The following DCLRE1B variants were observed in gnomAD, a reference collection of about 807,000 sequenced individuals.
The protein encoded by DCLRE1B is DNA cross-link repair 1B.
In DCLRE1B, 6 loss-of-function variants were observed where a neutral mutation model predicts 19.8. The ratio of observed to expected loss-of-function variants is 0.30; its 90% CI spans 0.17 to 0.60. The LOEUF (loss-of-function observed/expected upper bound fraction) is 0.60, where lower values mean the gene tolerates loss of function less well. Among genes scored for constraint, DCLRE1B ranks in the 20% least tolerant of loss-of-function variants. DCLRE1B has a pLI of 0.87. For missense variants in DCLRE1B, 622 were observed against 654.2 expected (o/e 0.95, Z 0.54); for synonymous variants, 258 against 255.7 (o/e 1.01, Z -0.09).
rs774397708 is a variant in DCLRE1B, at chr1:113,905,722, C to T, written c.136C>T (p.Arg46Trp). Residue 46 changes from arginine to tryptophan, a missense_variant, in exon 1 of 4, where the codon CGG becomes TGG. Physicochemically the swap from Arg to Trp is moderately radical, Grantham distance 101 (BLOSUM62 -3). This residue lies in a region of DCLRE1B where 237 missense variants were observed against 223.8 expected (regional missense o/e 1.06). Transcript: ENST00000650450. ...CGTGGGCCTGTCTAGCACCTGGGCC[C>T]GGCCCCTCTACTGCTCCCCAATTAC... The part of the protein sequence containing the change: ...HTVGLSSTWA[R>W]PLYCSPITAH... 7.4e-6 allele frequency: 12 copies of T among 1,614,172 alleles called. No individual in the cohort carries two copies. The highest frequency in any genetic ancestry group is 9.3e-6 in the Non-Finnish European group (11 of 1,180,030).
chr1:113,908,267 G>A, intron 3 of DCLRE1B, 76 bp downstream of exon 3: 2 of 1,542,886 alleles, frequency 1.3e-6, no homozygotes, highest in Non-Finnish European at 1.8e-6. Context: ...ACATCTTTCA[G>A]ATCTTTGTGC....
rs371162618 is a variant in DCLRE1B at position 113,908,208 on chromosome 1, C to G, written c.538+17C>G. Reference sequence around the variant, plus strand: ...TAAAGATTGGTGAGTTGTTTCCTTTCAGTTTCCTGTCACCTGTAGATAGTG... The same window carrying G: ...TAAAGATTGGTGAGTTGTTTCCTTTGAGTTTCCTGTCACCTGTAGATAGTG... On this transcript the variant is annotated intron_variant, in intron 3 of 3. Transcript: ENST00000650450. 3.7e-6 allele frequency: 6 copies of G among 1,609,022 alleles called. No homozygotes were observed. The highest frequency in any genetic ancestry group is 5.1e-6 in the Non-Finnish European group (6 of 1,177,466).
At chr1:113,904,875 T>C (rs1668783419), upstream of DCLRE1B, 1 of 689,858 alleles carries the variant, frequency 1.4e-6, no homozygotes, top group Non-Finnish European at 2.6e-6. Context: ...GCCGGCACGC[T>C]GGCCCTGACA....
rs760179150 is a variant in DCLRE1B, at chr1:113,905,739, C to G, written c.153C>G (p.Ser51=). 2.5e-5 allele frequency: 41 copies of G among 1,613,896 alleles called. No homozygotes were observed. The highest frequency in any genetic ancestry group is 3.4e-5 in the Non-Finnish European group (40 of 1,179,964). Residue 51 remains serine (S), a synonymous_variant, in exon 1 of 4, where the codon TCC becomes TCG. Transcript: ENST00000650450. ...SSTWARPLYC[S]PITAHLLHRH... ...CCTGGGCCCGGCCCCTCTACTGCTC[C>G]CCAATTACAGCCCACCTCTTGCATC...
upstream of DCLRE1B, chr1:113,904,995 G>T (rs1668806000): frequency 2.2e-6 from 1 of 449,542 alleles, no homozygotes; most frequent in Non-Finnish European, 4.1e-6. Flanking sequence ...CTACTTCTAG[G>T]TCCTCCGCCG....
rs755192360 is a variant in DCLRE1B at position 113,907,080 on chromosome 1, G to A, written c.274G>A (p.Val92Ile). 4.3e-6 allele frequency: 7 copies of A among 1,614,004 alleles called. No homozygotes were observed. The highest frequency in any genetic ancestry group is 5.9e-6 in the Non-Finnish European group (7 of 1,180,012). Residue 92 changes from valine (V) to isoleucine (I), a missense_variant, in exon 2 of 4, where the codon GTA becomes ATA. Val to Ile is a conservative substitution (Grantham distance 29, BLOSUM62 3). This residue lies in a region of DCLRE1B where 237 missense variants were observed against 223.8 expected (regional missense o/e 1.06). Transcript: ENST00000650450. ...TGAAATTGGACAAGAGACCATGACC[G>A]TAACCCTCCTCGATGCCAATCACTG... ...LDEIGQETMT[V>I]TLLDANHCPG...
At chr1:113,907,945 A>G in intron 2 of DCLRE1B, 64 bp from the exon 3 acceptor site, 1 of 1,530,664 alleles carries the variant, frequency 6.5e-7, no homozygotes, top group Non-Finnish European at 8.8e-7. Context: ...TGTTGGAGGT[A>G]GGAGAGGCTT....
chr1:113,912,824 T>C lies in DCLRE1B; in HGVS notation c.*633T>C, dbSNP rs1669316737. 6.6e-6 allele frequency: 1 copy of C among 152,376 alleles called. No individual in the cohort carries two copies. Among genetic ancestry groups the C allele is most frequent in the African/African-American group, 2.4e-5 (1 of 41,456 alleles). 9.4% of individuals were successfully genotyped at this position (152,376 alleles called of 1,614,324 possible). A position where few individuals can be genotyped will look rare whatever the true frequency, so the allele number is the denominator to read the frequency against. On this transcript the variant is annotated 3_prime_UTR_variant, in exon 4 of 4. Coordinates refer to ENST00000650450, the MANE Select transcript of DCLRE1B (RefSeq NM_022836.4). ...CAGTAGTGAAAATTCTACCTCTATG[T>C]CCTTCATGAGGATGTGCAGTATCCC... is the stretch of plus-strand genomic sequence containing the variant.
At chr1:113,905,092 G>A, upstream of DCLRE1B, 1 of 372,288 alleles carries the variant, frequency 2.7e-6, no homozygotes, top group East Asian at 6.7e-5. Flanking sequence ...TCTCATCGCG[G>A]ATAGGCCCAA....
In DCLRE1B at chr1:113,912,339, C is replaced by G. The variant is rs866258883; in HGVS notation, c.*148C>G. On this transcript the variant is annotated 3_prime_UTR_variant, in exon 4 of 4. Coordinates refer to ENST00000650450, the MANE Select transcript of DCLRE1B (RefSeq NM_022836.4). The stretch of plus-strand genomic sequence containing the variant: ...GGGCCCACCGTGGAGCAGCACTTCC[C>G]AAAACTTGTTCACTGGGGTCCTCGT... 16 of 734,126 alleles carry G rather than the reference C, an allele frequency of 2.2e-5. No individual in the cohort carries two copies. The highest frequency in any genetic ancestry group is 4.0e-4 in the Middle Eastern group (1 of 2,474). 45.5% of individuals were successfully genotyped at this position (734,126 alleles called of 1,614,324 possible).
chr1:113,907,499 C>G (rs1412625184), intron 2 of DCLRE1B, among the ~76,000 whole-genome samples: 1 of 151,828 alleles, frequency 6.6e-6, no homozygotes, highest in Non-Finnish European at 1.5e-5. Flanking sequence ...GACGGAGTTT[C>G]ACTCTTGTCA....
rs1487776086 is a variant in DCLRE1B, at chr1:113,911,244, G to T, written c.652G>T (p.Asp218Tyr). 2 of 1,614,072 alleles carry T rather than the reference G, an allele frequency of 1.2e-6. No homozygotes were observed. The highest frequency in any genetic ancestry group is 2.7e-5 in the African/African-American group (2 of 74,902). The change falls in exon 4 of 4, where the codon GAT (aspartate) becomes TAT (tyrosine). Residue 218 changes from aspartate (D) to tyrosine (Y), a missense_variant. Physicochemically the swap from Asp to Tyr is radical, Grantham distance 160. Coordinates refer to ENST00000650450, the MANE Select transcript of DCLRE1B (RefSeq NM_022836.4). ...GTTGGTACAGCTACTGGGCCTGGCAGATGTGTTCACAGTGGAGGAGAAGGC... is the reference window on the plus strand; with the variant it reads ...GTTGGTACAGCTACTGGGCCTGGCATATGTGTTCACAGTGGAGGAGAAGGC... The part of the protein sequence containing the change: ...LELVQLLGLA[D>Y]VFTVEEKAGR...
At chr1:113,909,108 G>A (rs1448042711) in intron 3 of DCLRE1B, among the ~76,000 whole-genome samples, 1 of 152,198 alleles carries the variant, frequency 6.6e-6, no homozygotes, top group African/African-American at 2.4e-5. Flanking sequence ...CTGCTAGAAT[G>A]TGAATTCCAC....
chr1:113,907,204 GTTTTTTTTTTTTTTT>G lies in DCLRE1B; in HGVS notation c.355+59_355+73del, dbSNP rs71090746. 3,224 of 492,068 alleles carry G rather than the reference GTTTTTTTTTTTTTTT, an allele frequency of 6.6e-3. 10 individuals carry two copies. The highest frequency in any genetic ancestry group is 7.6e-3 in the Non-Finnish European group (2,745 of 363,408). 30.5% of individuals were successfully genotyped at this position (492,068 alleles called of 1,614,324 possible). ...TCCCAGTGACTTCTCCAGACTAGAT[GTTTTTTTTTTTTTTT>G]TTTTTTTTTTTTTTTAATGTATAGA... On this transcript the variant is annotated intron_variant, in intron 2 of 3. Coordinates refer to ENST00000650450, the MANE Select transcript of DCLRE1B (RefSeq NM_022836.4).
chr1:113,905,186 G>A (rs1037651415), upstream of DCLRE1B: 17 of 340,416 alleles, frequency 5.0e-5, no homozygotes, highest in Admixed American at 1.4e-4. Context: ...CGAGCGCTAA[G>A]CGTAGTCCCG....
At position 113,913,387 on chromosome 1, in the gene DCLRE1B, G is replaced by T. The variant is rs1472741403; in HGVS notation, c.*1196G>T. 3 of 152,764 alleles carry T rather than the reference G, an allele frequency of 2.0e-5. No homozygotes were observed. Among genetic ancestry groups the T allele is most frequent in the Non-Finnish European group, 2.9e-5 (2 of 68,040 alleles). 9.5% of individuals were successfully genotyped at this position (152,764 alleles called of 1,614,324 possible). A position where few individuals can be genotyped will look rare whatever the true frequency, so the allele number is the denominator to read the frequency against. On this transcript the variant is annotated 3_prime_UTR_variant, in exon 4 of 4. Coordinates refer to ENST00000650450, the MANE Select transcript of DCLRE1B (RefSeq NM_022836.4). ...TAAAAGAGTTTTCTGCTTTGAGAGAGAAATAGAGAGTTTAGAAAGCAATTG... is the reference window on the plus strand; with the variant it reads ...TAAAAGAGTTTTCTGCTTTGAGAGATAAATAGAGAGTTTAGAAAGCAATTG...
Position 113,911,997 on chromosome 1 carries a change from G to GC in DCLRE1B, c.1407dup (p.Thr470HisfsTer27). The GC allele has an allele frequency of 6.2e-7, 1 of 1,614,192 alleles. No homozygotes were observed. Among genetic ancestry groups the GC allele is most frequent in the Non-Finnish European group, 8.5e-7 (1 of 1,180,032 alleles). ...GGGAGATGATGATGGAGGTCCAGAA[G>GC]CCACAGGGAATCAGAGTGCCTGGAT... On this transcript the variant is annotated frameshift_variant, in exon 4 of 4. Transcript: ENST00000650450. LOFTEE classifies it low-confidence loss of function (END_TRUNC).
At position 113,907,124 on chromosome 1, in the gene DCLRE1B, T is replaced by G; in HGVS notation, c.318T>G (p.Phe106Leu). ...ATCACTGTCCTGGTTCTGTCATGTTTCTCTTTGAAGGATATTTTGGAACCA... is the reference window on the plus strand; with the variant it reads ...ATCACTGTCCTGGTTCTGTCATGTTGCTCTTTGAAGGATATTTTGGAACCA... ...DANHCPGSVM[F>L]LFEGYFGTIL... The change falls in exon 2 of 4, where the codon TTT (phenylalanine) becomes TTG (leucine). Residue 106 changes from phenylalanine to leucine, a missense_variant. Physicochemically the swap from Phe to Leu is conservative, Grantham distance 22. Around this residue, in one of 3 missense-constraint regions of DCLRE1B, gnomAD observed 237 missense variants for 223.8 expected, o/e 1.06. Coordinates refer to ENST00000650450, the MANE Select transcript of DCLRE1B (RefSeq NM_022836.4). 6.2e-7 allele frequency: 1 copy of G among 1,613,204 alleles called. No homozygotes were observed. The highest frequency in any genetic ancestry group is 8.5e-7 in the Non-Finnish European group (1 of 1,179,918).
Position 113,912,376 on chromosome 1 carries a change from C to T in DCLRE1B, c.*185C>T. 1 of 513,692 alleles carries T rather than the reference C, an allele frequency of 1.9e-6. No individual in the cohort carries two copies. The highest frequency in any genetic ancestry group is 3.3e-6 in the Non-Finnish European group (1 of 300,124). 31.8% of individuals were successfully genotyped at this position (513,692 alleles called of 1,614,324 possible). A position where few individuals can be genotyped will look rare whatever the true frequency, so the allele number is the denominator to read the frequency against. On this transcript the variant is annotated 3_prime_UTR_variant, in exon 4 of 4. Transcript: ENST00000650450. ...ACTGGGGTCCTCGTGCCTATGGAAT[C>T]CTTCTTTTTATAACTAAGTTTAAGA...
Sources: allele counts gnomAD v4.1 joint callset (sites outside exome capture counted in the v4.1 genomes callset), GRCh38; gene constraint gnomAD v4.1.1; regional missense constraint gnomAD v4.1.1; transcripts MANE v1.5; gene names NCBI Gene and HGNC (gene_info 2026-07-23, HGNC 2026-07-21).